The following ABL1 variants were observed in gnomAD, a reference collection of about 807,000 sequenced individuals.
ABL1 encodes the protein ABL proto-oncogene 1, non-receptor tyrosine kinase, also known as tyrosine-protein kinase ABL1.
A neutral mutation model predicts 94.7 loss-of-function variants in ABL1; 11 were observed. The observed-to-expected ratio is 0.12, with a 90% confidence interval of 0.07 to 0.19. The LOEUF (loss-of-function observed/expected upper bound fraction) is 0.19. Among genes scored for constraint, ABL1 ranks in the 10% least tolerant of loss-of-function variants. The probability of loss-of-function intolerance (pLI) is 1.00; values close to 1 mark genes in which losing one functional copy is unlikely to be tolerated. For synonymous variants in ABL1, 656 were observed against 622.4 expected, an observed-to-expected ratio of 1.05 and a Z score of -0.80; for missense variants, 1,082 against 1,489.4, an observed-to-expected ratio of 0.73 and a Z score of 4.50.
At chr9:130,866,558 G>T (rs1023000014) in intron 4 of ABL1, among the ~76,000 whole-genome samples, 7 of 152,092 alleles carry the variant, frequency 4.6e-5, no homozygotes, top group African/African-American at 1.7e-4. Flanking sequence ...TCTTTTGCCA[G>T]CAGGGGGAGC....
intron 1 of ABL1, among the ~76,000 whole-genome samples, chr9:130,819,430 A>G (rs1168781945): frequency 1.3e-5 from 2 of 152,060 alleles, no homozygotes; most frequent in Non-Finnish European, 2.9e-5. Flanking sequence ...CTGCCTCTCT[A>G]ATGTTCGTTG....
At chr9:130,719,020 G>A (rs965793619) in intron 1 of ABL1, among the ~76,000 whole-genome samples, 6 of 152,078 alleles carry the variant, frequency 3.9e-5, no homozygotes, top group Non-Finnish European at 5.9e-5. Flanking sequence ...CATTATTTAT[G>A]GTATGGCCCC....
chr9:130,717,961 G>A (rs1324703350), intron 1 of ABL1, among the ~76,000 whole-genome samples: 2 of 149,024 alleles, frequency 1.3e-5, no homozygotes, highest in East Asian at 2.0e-4. Flanking sequence ...GCATTGAGAC[G>A]AGATCACGCC....
chr9:130,822,718 A>C (rs76215552), intron 1 of ABL1, among the ~76,000 whole-genome samples: 5,355 of 151,972 alleles, frequency 0.035, 305 homozygotes, highest in African/African-American at 0.12. Flanking sequence ...CTGTCAATTC[A>C]AATCTTTTGC....
intron 1 of ABL1, among the ~76,000 whole-genome samples, chr9:130,780,049 G>GCCGAGGTGGCT (rs1204497889): frequency 6.6e-6 from 1 of 152,216 alleles, no homozygotes; most frequent in Non-Finnish European, 1.5e-5. Flanking sequence ...ACTTTGGGAG[G>GCCGAGGTGGCT]CCGAGGTGGC....
upstream of ABL1, chr9:130,834,788 C>T (rs1357906591): frequency 4.5e-6 from 2 of 445,034 alleles, no homozygotes; most frequent in African/African-American, 4.0e-5. Context: ...ACACCCACTG[C>T]CTCAGCCTTA....
intron 1 of ABL1, among the ~76,000 whole-genome samples, chr9:130,848,940 G>A (rs1190989249): frequency 2.0e-5 from 3 of 149,176 alleles, no homozygotes; most frequent in South Asian, 2.1e-4. Context: ...ACTCCGTCTC[G>A]AGAAAAAAAA....
intron 1 of ABL1, among the ~76,000 whole-genome samples, chr9:130,816,528 T>G (rs1391379863): frequency 1.4e-5 from 2 of 147,494 alleles, no homozygotes; most frequent in Non-Finnish European, 3.0e-5. Context: ...GCATACCCAT[T>G]CCTCTTTTTT....
intron 1 of ABL1, among the ~76,000 whole-genome samples, chr9:130,748,218 G>C (rs1831911336): frequency 6.6e-6 from 1 of 152,146 alleles, no homozygotes; most frequent in Non-Finnish European, 1.5e-5. Context: ...AGGAAGAAAA[G>C]TGTGAACTGA....
At chr9:130,752,646 G>T (rs1009666746) in intron 1 of ABL1, among the ~76,000 whole-genome samples, 2 of 152,106 alleles carry the variant, frequency 1.3e-5, no homozygotes, top group Non-Finnish European at 2.9e-5. Context: ...AGGGTGTGCT[G>T]CTGCCATCTC....
chr9:130,819,500 G>GC (rs1219320786), intron 1 of ABL1, among the ~76,000 whole-genome samples: 18 of 147,344 alleles, frequency 1.2e-4, no homozygotes, highest in African/African-American at 4.5e-4. Flanking sequence ...AGCTAAACCA[G>GC]CCAAATGAGA....
intron 1 of ABL1, among the ~76,000 whole-genome samples, chr9:130,718,863 C>G (rs918687295): frequency 8.6e-5 from 13 of 152,030 alleles, no homozygotes; most frequent in Non-Finnish European, 1.0e-4. Context: ...GCCTGGGTAA[C>G]AGAGCAAGAC....
chr9:130,851,766 C>CTTTTTTTTTTTTTTTTT (rs149948786), intron 1 of ABL1, among the ~76,000 whole-genome samples: 1 of 122,794 alleles, frequency 8.1e-6, no homozygotes, highest in Non-Finnish European at 1.7e-5. Flanking sequence ...CTCTCTTTTT[C>CTTTTTTTTTTTTTTTTT]TTTTTTTTTT....
chr9:130,862,784 C>T lies in ABL1; in HGVS notation c.571C>T (p.Arg191Cys), dbSNP rs368646202. The stretch of plus-strand genomic sequence containing the variant: ...TCAGCTCTACGTCTCCTCCGAGAGC[C>T]GCTTCAACACCCTGGCCGAGTTGGT... Reference protein sequence around the residue: ...DGKLYVSSESRFNTLAELVHH... With the variant: ...DGKLYVSSESCFNTLAELVHH... The change falls in exon 4 of 11, where the codon CGC becomes TGC. Residue 191 changes from arginine (R) to cysteine (C), a missense_variant. By Grantham distance (180) the Arg-to-Cys change is radical (BLOSUM62 -3). Transcript: ENST00000318560. This position sits in a 1 kb window ranked among gnomAD's most constrained non-coding sequence, Gnocchi z 5.5. The T allele has an allele frequency of 3.1e-5, 50 of 1,613,868 alleles. No individual in the cohort carries two copies. The highest frequency in any genetic ancestry group is 4.2e-5 in the Non-Finnish European group (49 of 1,180,014).
chr9:130,736,306 C>G (rs7862514), intron 1 of ABL1, among the ~76,000 whole-genome samples: 3 of 151,608 alleles, frequency 2.0e-5, no homozygotes, highest in Non-Finnish European at 4.4e-5. Context: ...CATTTTCTTC[C>G]GTAGACATCA....
At chr9:130,717,735 C>T (rs760123629) in intron 1 of ABL1, among the ~76,000 whole-genome samples, 81 of 151,772 alleles carry the variant, frequency 5.3e-4, no homozygotes, top group Admixed American at 1.2e-3. Context: ...CTGGCTAGGC[C>T]GGGCACAGTG....
intron 1 of ABL1, among the ~76,000 whole-genome samples, chr9:130,722,654 C>T (rs116621198): frequency 0.028 from 4,264 of 152,178 alleles, 81 homozygotes; most frequent in African/African-American, 0.05. Context: ...TGCACCTGGC[C>T]ATGTATGTAC....
chr9:130,837,904 G>A (rs749052885), intron 1 of ABL1, among the ~76,000 whole-genome samples: 5 of 152,194 alleles, frequency 3.3e-5, no homozygotes, highest in Non-Finnish European at 1.5e-5. Context: ...CTGTCAGGGA[G>A]AGAATTGAAT....
intron 1 of ABL1, among the ~76,000 whole-genome samples, chr9:130,768,911 A>G (rs1338029059): frequency 6.6e-6 from 1 of 152,196 alleles, no homozygotes; most frequent in Non-Finnish European, 1.5e-5. Context: ...TGATGTGTTC[A>G]ATGTGTTCAA....
Sources: allele counts gnomAD v4.1 joint callset (sites outside exome capture counted in the v4.1 genomes callset), GRCh38; gene constraint gnomAD v4.1.1; non-coding constraint Gnocchi (gnomAD v3.1); transcripts MANE v1.5; gene names NCBI Gene and HGNC (gene_info 2026-07-23, HGNC 2026-07-21).